Variants in ARFGEF3 observed in about 807,000 individuals in gnomAD.
ARFGEF3 encodes ARFGEF family member 3.
ARFGEF3 carries 96 observed loss-of-function variants against 221.7 expected under a neutral mutation model. The observed-to-expected ratio is 0.43, with a 90% CI of 0.37 to 0.51. The LOEUF is 0.51. ARFGEF3 is among the 20% of genes least tolerant of loss of function. The pLI, the probability that ARFGEF3 is intolerant of heterozygous loss-of-function variation, is 0.00. For missense variants in ARFGEF3, 2,410 were observed against 2,789.9 expected (o/e 0.86, Z 3.07); for synonymous variants, 1,145 against 1,126.8 (o/e 1.02, Z -0.32).
chr6:138,172,992 T>C (rs1159643836), intron 2 of ARFGEF3, among the ~76,000 whole-genome samples: 1 of 152,224 alleles, frequency 6.6e-6, no homozygotes, highest in East Asian at 1.9e-4. Context: ...AAACATACTT[T>C]ATCTTAACAG....
chr6:138,337,726 A>G lies in ARFGEF3; in HGVS notation c.*1240A>G, dbSNP rs1444648052. The G allele has an allele frequency of 2.6e-5, 4 of 152,204 alleles. No individual in the cohort carries two copies. The highest frequency in any genetic ancestry group is 4.4e-5 in the Non-Finnish European group (3 of 68,030). 9.4% of individuals were successfully genotyped at this position (152,204 alleles called of 1,614,324 possible). ...GCATTCAGACCAATATTTCAGGTGG[A>G]TATTTCTAAGTATTACTAGAAAATA... On this transcript the variant is annotated 3_prime_UTR_variant, in exon 34 of 34. Transcript: ENST00000251691.
intron 1 of ARFGEF3, among the ~76,000 whole-genome samples, chr6:138,164,991 TAGG>T (rs1776696347): frequency 1.3e-5 from 2 of 151,558 alleles, no homozygotes; most frequent in South Asian, 4.2e-4. Flanking sequence ...TAGACCCTCA[TAGG>T]AGCAAGGGGC....
intron 26 of ARFGEF3, 137 bp downstream of exon 26, chr6:138,314,076 G>A (rs965452611): frequency 6.6e-6 from 6 of 915,148 alleles, no homozygotes; most frequent in Middle Eastern, 2.9e-4. Context: ...ATACTTGAGA[G>A]TGATAAATAG....
chr6:138,166,492 T>A (rs1776725201), intron 1 of ARFGEF3, among the ~76,000 whole-genome samples: 1 of 152,248 alleles, frequency 6.6e-6, no homozygotes, highest in South Asian at 2.1e-4. Flanking sequence ...TGTTAATGGC[T>A]GCAGAATAAC....
At chr6:138,283,485 A>G (rs147231815) in intron 14 of ARFGEF3, among the ~76,000 whole-genome samples, 4 of 152,250 alleles carry the variant, frequency 2.6e-5, no homozygotes, top group Non-Finnish European at 5.9e-5. Flanking sequence ...ATTCAACAAA[A>G]TAAGGATCTA....
chr6:138,269,141 C>T (rs986660363), intron 12 of ARFGEF3, among the ~76,000 whole-genome samples: 8 of 152,242 alleles, frequency 5.3e-5, no homozygotes, highest in Admixed American at 2.0e-4. Flanking sequence ...CCTCCCTCCT[C>T]GGGTGTCCCG....
chr6:138,254,625 G>A (rs1046386578), intron 9 of ARFGEF3, among the ~76,000 whole-genome samples: 1 of 152,014 alleles, frequency 6.6e-6, no homozygotes, highest in African/African-American at 2.4e-5. Flanking sequence ...AGCTACTCGG[G>A]AGGCTGAGGC....
At chr6:138,308,624 C>A (rs1779769717) in intron 23 of ARFGEF3, 115 bp from the exon 24 acceptor site, 1 of 1,155,344 alleles carries the variant, frequency 8.7e-7, no homozygotes, top group African/African-American at 1.5e-5. Context: ...GGCATCTCCC[C>A]AGTAGATCTT....
chr6:138,188,243 G>A (rs1123890), intron 2 of ARFGEF3, among the ~76,000 whole-genome samples: 27,956 of 151,986 alleles, frequency 0.18, 3,687 homozygotes, highest in East Asian at 0.39. Context: ...AGTGCTGTAT[G>A]TGCTCTTTGT....
At chr6:138,257,300 C>G (rs146230430) in intron 10 of ARFGEF3, among the ~76,000 whole-genome samples, 1 of 152,100 alleles carries the variant, frequency 6.6e-6, no homozygotes, top group South Asian at 2.1e-4. Context: ...GAGGGGCAAG[C>G]GTGGGCTTCC....
intron 18 of ARFGEF3, 149 bp downstream of exon 18, chr6:138,290,117 T>G (rs1320311011): frequency 9.1e-6 from 7 of 766,038 alleles, no homozygotes; most frequent in African/African-American, 1.8e-5. Flanking sequence ...AAACTTCAAA[T>G]GAGACGTGAA....
intron 5 of ARFGEF3, among the ~76,000 whole-genome samples, chr6:138,231,685 A>C (rs1233010837): frequency 1.3e-5 from 2 of 152,248 alleles, no homozygotes; most frequent in Non-Finnish European, 2.9e-5. Flanking sequence ...GTGGAAATGT[A>C]AAGAAGGAAT....
chr6:138,286,109 A>C, intron 15 of ARFGEF3, 56 bp downstream of exon 15: 1 of 1,025,116 alleles, frequency 9.8e-7, no homozygotes, highest in Non-Finnish European at 1.5e-6. Context: ...TGTTACCAGC[A>C]ATTACATTGT....
Position 138,263,150 on chromosome 6 carries a change from C to T in ARFGEF3, c.1667C>T (p.Ala556Val), listed in dbSNP as rs1175780758. Reference protein sequence around the residue: ...ETLSKVLETEAVDQPDVVQRS... With the variant: ...ETLSKVLETEVVDQPDVVQRS... Reference sequence around the variant, plus strand: ...CTGAGCAAAGTATTGGAAACAGAGGCGGTAGACCAGCCAGATGTCGTGCAG... The same window carrying T: ...CTGAGCAAAGTATTGGAAACAGAGGTGGTAGACCAGCCAGATGTCGTGCAG... Residue 556 changes from alanine (A) to valine (V), a missense_variant, in exon 12 of 34, where the codon GCG becomes GTG. By Grantham distance (64) the Ala-to-Val change is moderately conservative. This residue lies in a region of ARFGEF3 where 594 missense variants were observed against 734.3 expected (regional missense o/e 0.81). Transcript: ENST00000251691. 10 of 1,613,962 alleles carry T rather than the reference C, an allele frequency of 6.2e-6. No individual in the cohort carries two copies. The highest frequency in any genetic ancestry group is 7.6e-6 in the Non-Finnish European group (9 of 1,179,874).
intron 32 of ARFGEF3, among the ~76,000 whole-genome samples, chr6:138,331,917 G>T (rs142380926): frequency 2.0e-5 from 3 of 151,808 alleles, no homozygotes; most frequent in African/African-American, 7.3e-5. Context: ...TTGTCACTGC[G>T]CCCTTTAACC....
chr6:138,270,206 A>G (rs1272048961), intron 12 of ARFGEF3, among the ~76,000 whole-genome samples: 2 of 152,168 alleles, frequency 1.3e-5, no homozygotes, highest in African/African-American at 4.8e-5. Context: ...ATTACCAAGT[A>G]AGAAGAAAAT....
At chr6:138,272,016 G>A (rs1014089779) in intron 12 of ARFGEF3, among the ~76,000 whole-genome samples, 4 of 152,146 alleles carry the variant, frequency 2.6e-5, no homozygotes, top group Non-Finnish European at 4.4e-5. Flanking sequence ...CCCAGCAAAT[G>A]TGTGAGTTTT....
chr6:138,205,283 G>A (rs918498162), intron 2 of ARFGEF3, among the ~76,000 whole-genome samples: 80 of 152,096 alleles, frequency 5.3e-4, no homozygotes, highest in African/African-American at 1.9e-3. Flanking sequence ...TGGGCTATTA[G>A]GCTGTAAGAC....
intron 25 of ARFGEF3, among the ~76,000 whole-genome samples, chr6:138,313,032 G>A (rs955609919): frequency 6.6e-5 from 10 of 152,106 alleles, no homozygotes; most frequent in African/African-American, 2.4e-4. Context: ...AGTACCACCT[G>A]TTTAGTTTTT....
Sources: gnomAD v4.1 joint callset for allele counts (sites outside exome capture counted in the v4.1 genomes callset) on GRCh38, gnomAD v4.1.1 for gene constraint, gnomAD v4.1.1 regional missense constraint, MANE v1.5 for transcripts, NCBI Gene and HGNC (gene_info 2026-07-23, HGNC 2026-07-21) for gene names.